The following SIRPG variants were observed in gnomAD, a reference collection of about 807,000 sequenced individuals.
SIRPG encodes signal-regulatory protein gamma.
SIRPG carries 38 observed loss-of-function variants against 35.7 expected under a neutral mutation model. The observed-to-expected ratio is 1.06, with a 90% CI of 0.82 to 1.40. The LOEUF is 1.40. Among genes scored for constraint, SIRPG ranks in the 40% most tolerant of loss-of-function variants. The pLI, the probability that SIRPG is intolerant of heterozygous loss-of-function variation, is 0.00. For synonymous variants in SIRPG, 215 were observed against 190.4 expected (o/e 1.13, Z -1.06); for missense variants, 519 against 483.0 (o/e 1.07, Z -0.70).
chr20:1,654,097 G>A (rs1292950485), intron 1 of SIRPG, among the ~76,000 whole-genome samples: 1 of 152,040 alleles, frequency 6.6e-6, no homozygotes, highest in Non-Finnish European at 1.5e-5. Flanking sequence ...AAATTAGCCA[G>A]GCATGGTGGT....
At chr20:1,662,045 G>A (rs1360032460), upstream of SIRPG, among the ~76,000 whole-genome samples, 3 of 152,182 alleles carry the variant, frequency 2.0e-5, no homozygotes, top group African/African-American at 7.2e-5. Context: ...CACAACCCCT[G>A]CAAAAAGTCC....
chr20:1,671,697 T>C, the SIRPG span, among the ~76,000 whole-genome samples: 1 of 152,252 alleles, frequency 6.6e-6, no homozygotes, highest in Non-Finnish European at 1.5e-5. Flanking sequence ...ATAAGCATTT[T>C]TTCTATAGAT....
chr20:1,659,830 G>C (rs546366449), upstream of SIRPG, among the ~76,000 whole-genome samples: 1 of 152,222 alleles, frequency 6.6e-6, no homozygotes, highest in Admixed American at 6.5e-5. Context: ...TCATAGTGAG[G>C]CTGGGGCAGG....
chr20:1,654,516 C>T (rs557010990), intron 1 of SIRPG, among the ~76,000 whole-genome samples: 1 of 152,282 alleles, frequency 6.6e-6, no homozygotes, highest in East Asian at 1.9e-4. Flanking sequence ...ATTAGGCCTT[C>T]TTCTCATGCC....
the SIRPG span, among the ~76,000 whole-genome samples, chr20:1,673,605 G>A: frequency 2.0e-5 from 3 of 151,422 alleles, no homozygotes; most frequent in East Asian, 1.9e-4. Context: ...TGCTCCCTGC[G>A]GCTCATGACA....
chr20:1,633,085 C>T (rs886069877), intron 4 of SIRPG, among the ~76,000 whole-genome samples: 15 of 151,952 alleles, frequency 9.9e-5, no homozygotes, highest in African/African-American at 3.6e-4. Context: ...CCTTCAGACA[C>T]CAAAAAGATA....
At chr20:1,679,735 T>A in the SIRPG span, among the ~76,000 whole-genome samples, 1 of 152,182 alleles carries the variant, frequency 6.6e-6, no homozygotes, top group African/African-American at 2.4e-5. Context: ...TCAACACTAA[T>A]GGCAATGAGA....
chr20:1,651,005 T>C (rs1248609170), intron 1 of SIRPG, among the ~76,000 whole-genome samples: 1 of 152,186 alleles, frequency 6.6e-6, no homozygotes, highest in Non-Finnish European at 1.5e-5. Flanking sequence ...ATGAATTCTA[T>C]ACCTGGCGAA....
intron 4 of SIRPG, among the ~76,000 whole-genome samples, chr20:1,632,652 T>C (rs1051539427): frequency 1.3e-5 from 2 of 151,894 alleles, no homozygotes; most frequent in African/African-American, 4.8e-5. Flanking sequence ...GGATCAGGAA[T>C]AGGAGAAATT....
Position 1,649,248 on chromosome 20 carries a change from G to A in SIRPG, c.234C>T (p.Tyr78=). 1 of 1,614,100 alleles carries A rather than the reference G, an allele frequency of 6.2e-7. No homozygotes were observed. The highest frequency in any genetic ancestry group is 8.5e-7 in the Non-Finnish European group (1 of 1,180,016). ...RGVGPGRELI[Y]NQKEGHFPRV... ...TGGGGAAGTGGCCTTCTTTTTGATT[G>A]TAGATTAATTCCCGGCCTGGTCCAA... The change falls in exon 2 of 6, where the codon TAC becomes TAT. Residue 78 remains tyrosine (Y), a synonymous_variant. Transcript: ENST00000303415.
the SIRPG span, among the ~76,000 whole-genome samples, chr20:1,673,903 G>A: frequency 2.0e-5 from 3 of 152,214 alleles, no homozygotes; most frequent in Admixed American, 6.5e-5. Context: ...TGTTAAAGTT[G>A]TTCCCAACAC....
the SIRPG span, among the ~76,000 whole-genome samples, chr20:1,663,211 G>C: frequency 1.3e-5 from 2 of 152,154 alleles, no homozygotes; most frequent in Admixed American, 6.5e-5. Flanking sequence ...TACTCGGGAG[G>C]CTGAGGCAGG....
At chr20:1,667,545 T>TGA in the SIRPG span, among the ~76,000 whole-genome samples, 5 of 151,312 alleles carry the variant, frequency 3.3e-5, no homozygotes, top group East Asian at 1.9e-4. Flanking sequence ...TGGTACCTCC[T>TGA]GAGAGAGAGA....
At chr20:1,639,066 T>A (rs2122472608) in intron 2 of SIRPG, among the ~76,000 whole-genome samples, 1 of 152,338 alleles carries the variant, frequency 6.6e-6, no homozygotes, top group South Asian at 2.1e-4. Context: ...TTGTAAATAG[T>A]GCTGCAATAA....
chr20:1,655,408 A>C (rs1467925585), intron 1 of SIRPG, among the ~76,000 whole-genome samples: 2 of 152,202 alleles, frequency 1.3e-5, no homozygotes, highest in Non-Finnish European at 2.9e-5. Flanking sequence ...CATTCTGCTA[A>C]GTGAAATAAG....
chr20:1,653,785 G>A (rs1234087928), intron 1 of SIRPG, among the ~76,000 whole-genome samples: 1 of 152,126 alleles, frequency 6.6e-6, no homozygotes, highest in Non-Finnish European at 1.5e-5. Context: ...ATTTCATATA[G>A]ACTGAAAAAA....
At chr20:1,657,500 C>T (rs1332795796) in intron 1 of SIRPG, 142 bp downstream of exon 1, 7 of 815,656 alleles carry the variant, frequency 8.6e-6, no homozygotes, top group African/African-American at 1.7e-5. Flanking sequence ...TGCTCAGCTC[C>T]CTGATCTTCT....
At chr20:1,656,327 C>T (rs186784603) in intron 1 of SIRPG, among the ~76,000 whole-genome samples, 1 of 152,280 alleles carries the variant, frequency 6.6e-6, no homozygotes, top group East Asian at 1.9e-4. Flanking sequence ...TCCCCATTTG[C>T]AAATAGAGCA....
intron 4 of SIRPG, among the ~76,000 whole-genome samples, chr20:1,631,980 T>C (rs2091754432): frequency 6.6e-6 from 1 of 152,180 alleles, no homozygotes; most frequent in Non-Finnish European, 1.5e-5. Flanking sequence ...TTATCTCTTG[T>C]GGCTAGAGGG....
Sources: allele counts gnomAD v4.1 joint callset (sites outside exome capture counted in the v4.1 genomes callset), GRCh38; gene constraint gnomAD v4.1.1; transcripts MANE v1.5; gene names NCBI Gene and HGNC (gene_info 2026-07-23, HGNC 2026-07-21).